The following MEGF9 variants were observed in gnomAD, a reference collection of about 807,000 sequenced individuals.
The protein encoded by MEGF9 is multiple epidermal growth factor-like domains protein 9.
MEGF9 carries 6 observed loss-of-function variants against 46.8 expected under a neutral mutation model. The observed-to-expected ratio is 0.13, with a 90% CI of 0.07 to 0.25. The LOEUF (loss-of-function observed/expected upper bound fraction) is 0.25. MEGF9 is among the 10% of genes least tolerant of loss of function. MEGF9 has a pLI of 1.00. For missense variants in MEGF9, 683 were observed against 792.4 expected, an observed-to-expected ratio of 0.86 and a Z score of 1.66; for synonymous variants, 302 against 330.7, an observed-to-expected ratio of 0.91 and a Z score of 0.94.
At chr9:120,625,454 TC>T (rs1182659937) in intron 2 of MEGF9, among the ~76,000 whole-genome samples, 4 of 152,120 alleles carry the variant, frequency 2.6e-5, no homozygotes, top group African/African-American at 9.7e-5. Context: ...GAAGCCATCC[TC>T]TTGAGCTGAG....
intron 1 of MEGF9, among the ~76,000 whole-genome samples, chr9:120,668,615 C>T (rs1229009290): frequency 1.3e-5 from 2 of 152,128 alleles, no homozygotes; most frequent in Non-Finnish European, 2.9e-5. Flanking sequence ...GATAATTCAT[C>T]TAATTAATGA....
At chr9:120,709,164 T>C (rs1387246639) in intron 1 of MEGF9, among the ~76,000 whole-genome samples, 1 of 152,146 alleles carries the variant, frequency 6.6e-6, no homozygotes, top group African/African-American at 2.4e-5. Flanking sequence ...CAGTGGCTCA[T>C]GCCTGTAATC....
chr9:120,616,593 G>A (rs1273505834), intron 3 of MEGF9, among the ~76,000 whole-genome samples: 1 of 150,080 alleles, frequency 6.7e-6, no homozygotes, highest in Non-Finnish European at 1.5e-5. Context: ...GCAGGAGAAT[G>A]GCGTGAATCC....
At chr9:120,627,061 A>G (rs2043528508) in intron 2 of MEGF9, among the ~76,000 whole-genome samples, 1 of 152,242 alleles carries the variant, frequency 6.6e-6, no homozygotes, top group South Asian at 2.1e-4. Flanking sequence ...AGTAATTTAA[A>G]ATTTTAGAAT....
intron 2 of MEGF9, among the ~76,000 whole-genome samples, chr9:120,631,452 T>G (rs183553639): frequency 1.5e-4 from 23 of 152,000 alleles, no homozygotes; most frequent in Admixed American, 1.3e-3. Context: ...TTTGAGTATT[T>G]GAGGTCCCCT....
intron 1 of MEGF9, among the ~76,000 whole-genome samples, chr9:120,706,030 A>G (rs2132345906): frequency 6.6e-6 from 1 of 152,240 alleles, no homozygotes; most frequent in African/African-American, 2.4e-5. Flanking sequence ...TTACATTTTT[A>G]TTTTCTTCTG....
intron 3 of MEGF9, among the ~76,000 whole-genome samples, chr9:120,615,878 A>T (rs904716603): frequency 6.6e-6 from 1 of 152,178 alleles, no homozygotes; most frequent in Non-Finnish European, 1.5e-5. Context: ...CGGGAAATAG[A>T]GCGAGACCCT....
At chr9:120,672,979 C>T (rs183844324) in intron 1 of MEGF9, among the ~76,000 whole-genome samples, 21 of 152,130 alleles carry the variant, frequency 1.4e-4, no homozygotes, top group African/African-American at 4.1e-4. Flanking sequence ...ACCGAGATTG[C>T]GCCATTGCAC....
rs192402997 is a variant in MEGF9, at chr9:120,629,325, G to A, written c.804-6570C>T. Reference sequence around the variant, plus strand: ...AACAACAGAGCCAAATCCTGCCTGAGACACATTTTAAATAAACTTTTATTG... The same window carrying A: ...AACAACAGAGCCAAATCCTGCCTGAAACACATTTTAAATAAACTTTTATTG... On this transcript the variant is annotated intron_variant, in intron 2 of 5. Transcript: ENST00000373930. 6.8e-4 allele frequency among the ~76,000 whole-genome samples: 103 copies of A among 151,838 alleles called. 1 individual carries two copies. The East Asian group carries it at 0.02, about 29-fold the overall frequency.
chr9:120,632,534 A>G (rs1440107707), intron 2 of MEGF9, among the ~76,000 whole-genome samples: 1 of 152,178 alleles, frequency 6.6e-6, no homozygotes, highest in Non-Finnish European at 1.5e-5. Context: ...AGATCATGTC[A>G]TCTGCAAACA....
At chr9:120,707,493 G>A (rs571215476) in intron 1 of MEGF9, among the ~76,000 whole-genome samples, 1 of 152,202 alleles carries the variant, frequency 6.6e-6, no homozygotes, top group African/African-American at 2.4e-5. Context: ...CCAATTCACT[G>A]GAATGTATTT....
At chr9:120,693,937 A>AG (rs1299321295) in intron 1 of MEGF9, among the ~76,000 whole-genome samples, 1 of 152,030 alleles carries the variant, frequency 6.6e-6, no homozygotes, top group Non-Finnish European at 1.5e-5. Flanking sequence ...AAAAAAAAAA[A>AG]TAAAGGTAAA....
intron 1 of MEGF9, among the ~76,000 whole-genome samples, chr9:120,704,124 A>G (rs1407319894): frequency 1.3e-5 from 2 of 152,196 alleles, no homozygotes; most frequent in Admixed American, 6.5e-5. Flanking sequence ...ACTTGAGGTC[A>G]GAAGTTCAAG....
chr9:120,649,884 AAAGGATATT>A (rs1369387646), intron 2 of MEGF9, among the ~76,000 whole-genome samples: 1 of 152,194 alleles, frequency 6.6e-6, no homozygotes, highest in Non-Finnish European at 1.5e-5. Flanking sequence ...ATTTTATGGA[AAAGGATATT>A]ATCCAATACA....
intron 2 of MEGF9, among the ~76,000 whole-genome samples, chr9:120,654,117 G>C (rs1056762687): frequency 6.6e-6 from 1 of 152,190 alleles, no homozygotes; most frequent in African/African-American, 2.4e-5. Flanking sequence ...AGAAGTAAGA[G>C]TGTGAGACAG....
At chr9:120,626,277 C>T (rs1037991611) in intron 2 of MEGF9, among the ~76,000 whole-genome samples, 14 of 152,060 alleles carry the variant, frequency 9.2e-5, no homozygotes, top group East Asian at 7.7e-4. Context: ...TATTCATAAA[C>T]GAAGCATAAG....
At chr9:120,688,427 C>G (rs1426698405) in intron 1 of MEGF9, among the ~76,000 whole-genome samples, 1 of 152,134 alleles carries the variant, frequency 6.6e-6, no homozygotes, top group African/African-American at 2.4e-5. Context: ...GACATACATC[C>G]AAGGGCATGA....
At chr9:120,614,017 A>ATTTTTTTTTTTTTTTTTT (rs5900454) in intron 3 of MEGF9, among the ~76,000 whole-genome samples, 1 of 147,318 alleles carries the variant, frequency 6.8e-6, no homozygotes, top group Non-Finnish European at 1.5e-5. Flanking sequence ...AAAAAGCTCA[A>ATTTTTTTTTTTTTTTTTT]TTTTTTTTTT....
In MEGF9 at chr9:120,615,693, G is replaced by A. The variant is rs1222759016; in HGVS notation, c.944-3154C>T. ...GTGGATTGCTTGAGCCCCAGAGTTT[G>A]AGACCAGCCTGGGCAACAGGGCAAA... On this transcript the variant is annotated intron_variant, in intron 3 of 5. Transcript: ENST00000373930. Among the ~76,000 whole-genome samples the A allele has an allele frequency of 2.0e-5, 3 of 151,790 alleles. No individual in the cohort carries two copies. In the East Asian group the frequency reaches 5.9e-4, roughly 30 times the overall value.
Sources: allele counts gnomAD v4.1 joint callset (sites outside exome capture counted in the v4.1 genomes callset), GRCh38; gene constraint gnomAD v4.1.1; transcripts MANE v1.5; gene names NCBI Gene and HGNC (gene_info 2026-07-23, HGNC 2026-07-21).